Variants in TTC7A observed in about 807,000 individuals in gnomAD.
TTC7A encodes the protein tetratricopeptide repeat protein 7A.
TTC7A carries 110 observed loss-of-function variants against 103.7 expected under a neutral mutation model. The ratio of observed to expected loss-of-function variants is 1.06; its 90% CI spans 0.91 to 1.24. TTC7A has a LOEUF of 1.24. TTC7A is among the 50% of genes most tolerant of loss of function. TTC7A has a pLI of 0.00. For missense variants in TTC7A, 1,340 were observed against 1,116.3 expected (o/e 1.20, Z -2.86); for synonymous variants, 521 against 467.9 (o/e 1.11, Z -1.47).
At chr2:46,988,550 G>A (rs1675285213) in intron 5 of TTC7A, among the ~76,000 whole-genome samples, 1 of 152,228 alleles carries the variant, frequency 6.6e-6, no homozygotes, top group Non-Finnish European at 1.5e-5. Flanking sequence ...TCAGCCATCA[G>A]TTCCATGTAG....
exon 1 of TTC7A, chr2:46,916,158 T>G: frequency 5.1e-6 from 5 of 985,460 alleles, no homozygotes; most frequent in Non-Finnish European, 6.0e-6. Flanking sequence ...GCTCACCCCC[T>G]CCTATACAGG....
intron 11 of TTC7A, among the ~76,000 whole-genome samples, chr2:47,015,779 G>A (rs1678588866): frequency 6.6e-6 from 1 of 152,204 alleles, no homozygotes; most frequent in South Asian, 2.1e-4. Flanking sequence ...GGGGTGGGCA[G>A]AGCCAGGAAG....
intron 19 of TTC7A, 88 bp from the exon 20 acceptor site, chr2:47,073,614 C>T (rs1401322904): frequency 1.8e-6 from 2 of 1,123,126 alleles, no homozygotes; most frequent in African/African-American, 1.5e-5. Context: ...ATGGCTGCTG[C>T]CACCCGTGCA....
intron 3 of TTC7A, among the ~76,000 whole-genome samples, chr2:46,961,596 T>TAAATAAATAAAC (rs1357395990): frequency 6.7e-6 from 1 of 148,536 alleles, no homozygotes; most frequent in South Asian, 2.1e-4. Flanking sequence ...AATAAATAAA[T>TAAATAAATAAAC]AAATAAATAA....
chr2:47,023,060 C>G (rs1237868645), intron 12 of TTC7A, among the ~76,000 whole-genome samples: 1 of 152,178 alleles, frequency 6.6e-6, no homozygotes, highest in Non-Finnish European at 1.5e-5. Context: ...CCTAGTGGGT[C>G]AGGAAGCCTA....
chr2:46,995,424 A>C (rs769692901), intron 8 of TTC7A, among the ~76,000 whole-genome samples: 1 of 152,240 alleles, frequency 6.6e-6, no homozygotes, highest in Non-Finnish European at 1.5e-5. Flanking sequence ...TCTGCCCCCA[A>C]ATAAGTAGAG....
At position 46,978,454 on chromosome 2, in the gene TTC7A, C is replaced by A. The variant is rs74553208; in HGVS notation, c.649-338C>A. 5.3e-3 allele frequency among the ~76,000 whole-genome samples: 801 copies of A among 151,758 alleles called. 9 individuals are homozygous for A. Among genetic ancestry groups the A allele is most frequent in the African/African-American group, 0.018 (735 of 41,410 alleles). On this transcript the variant is annotated intron_variant, in intron 4 of 19. Coordinates refer to ENST00000319190, the MANE Select transcript of TTC7A (RefSeq NM_020458.4). ...TTGAATGAATGTTAGGGGCTTAGTG[C>A]AGTGGTTCATGCCTGTAATCCCACC...
At chr2:46,984,851 C>T (rs1462536843) in intron 5 of TTC7A, among the ~76,000 whole-genome samples, 1 of 152,168 alleles carries the variant, frequency 6.6e-6, no homozygotes, top group Non-Finnish European at 1.5e-5. Flanking sequence ...ATGCCATTTC[C>T]AAATTTTGGG....
At chr2:46,967,909 C>T (rs1237816387) in intron 3 of TTC7A, among the ~76,000 whole-genome samples, 2 of 151,912 alleles carry the variant, frequency 1.3e-5, no homozygotes, top group African/African-American at 2.4e-5. Context: ...TGCATTTTTT[C>T]GCTTCTTCCC....
intron 3 of TTC7A, among the ~76,000 whole-genome samples, chr2:46,959,192 C>T (rs1476988137): frequency 1.9e-4 from 29 of 152,212 alleles, no homozygotes; most frequent in Non-Finnish European, 4.4e-5. Context: ...GTTGAGGAGA[C>T]TGAGGCTGAC....
chr2:46,915,948 C>G (rs970488745), upstream of TTC7A: 1 of 985,314 alleles, frequency 1.0e-6, no homozygotes, highest in Non-Finnish European at 1.2e-6. Flanking sequence ...CGGCCCGGGC[C>G]CAGCACTGGC....
intron 18 of TTC7A, among the ~76,000 whole-genome samples, chr2:47,053,202 G>C (rs1010681154): frequency 1.3e-5 from 2 of 152,210 alleles, no homozygotes; most frequent in Non-Finnish European, 2.9e-5. Context: ...TTGCTCCACA[G>C]TCAGCTTGTT....
At chr2:47,001,934 C>T (rs1328918088) in intron 8 of TTC7A, among the ~76,000 whole-genome samples, 1 of 151,888 alleles carries the variant, frequency 6.6e-6, no homozygotes, top group Non-Finnish European at 1.5e-5. Flanking sequence ...GTAGTCCCTG[C>T]CTTGGGTTTC....
intron 2 of TTC7A, among the ~76,000 whole-genome samples, chr2:46,935,103 G>C (rs1020946619): frequency 9.2e-5 from 14 of 152,046 alleles, no homozygotes; most frequent in African/African-American, 3.1e-4. Context: ...CGAGCCCTAA[G>C]ACTACTGGTC....
At chr2:46,925,680 C>G (rs932337615) in intron 2 of TTC7A, among the ~76,000 whole-genome samples, 1 of 152,276 alleles carries the variant, frequency 6.6e-6, no homozygotes, top group Non-Finnish European at 1.5e-5. Flanking sequence ...TCTCCCCTGC[C>G]ACCTCCCCCA....
chr2:46,944,599 T>G (rs1670773086), intron 1 of TTC7A, among the ~76,000 whole-genome samples: 1 of 152,076 alleles, frequency 6.6e-6, no homozygotes, highest in African/African-American at 2.4e-5. Context: ...GGCACACACC[T>G]GTAGTCCCAG....
chr2:47,072,450 T>G (rs1684835671), intron 19 of TTC7A, among the ~76,000 whole-genome samples: 1 of 152,226 alleles, frequency 6.6e-6, no homozygotes, highest in East Asian at 1.9e-4. Flanking sequence ...ACCGAACTGG[T>G]TGTGTTCCAA....
chr2:46,969,807 T>G (rs1355598366), intron 3 of TTC7A, among the ~76,000 whole-genome samples: 1 of 152,196 alleles, frequency 6.6e-6, no homozygotes, highest in African/African-American at 2.4e-5. Flanking sequence ...GTCTGCATGC[T>G]TCCTAAACCC....
intron 1 of TTC7A, among the ~76,000 whole-genome samples, chr2:46,949,407 A>G (rs921479164): frequency 7.9e-5 from 12 of 151,980 alleles, no homozygotes; most frequent in African/African-American, 2.9e-4. Context: ...TAATTTTTGC[A>G]TTTTTAGTGG....
Sources: gnomAD v4.1 joint callset for allele counts (sites outside exome capture counted in the v4.1 genomes callset) on GRCh38, gnomAD v4.1.1 for gene constraint, MANE v1.5 for transcripts, NCBI Gene and HGNC (gene_info 2026-07-23, HGNC 2026-07-21) for gene names.